Variants in ZMYND11 observed in about 807,000 individuals in gnomAD.
The protein encoded by ZMYND11 is zinc finger MYND domain-containing protein 11.
A neutral mutation model predicts 84.9 loss-of-function variants in ZMYND11; 9 were observed. The observed-to-expected ratio is 0.11, with a 90% CI of 0.06 to 0.18. ZMYND11 has a LOEUF of 0.18. ZMYND11 is among the 10% of genes least tolerant of loss of function. The pLI is 1.00. For missense variants in ZMYND11, 409 were observed against 761.0 expected (o/e 0.54, Z 5.44); for synonymous variants, 250 against 244.1 (o/e 1.02, Z -0.23).
chr10:242,430 A>G (rs1951181807), intron 10 of ZMYND11, among the ~76,000 whole-genome samples: 1 of 152,200 alleles, frequency 6.6e-6, no homozygotes, highest in Admixed American at 6.5e-5. Flanking sequence ...TGTCCATTCC[A>G]TAATATGGTA....
intron 4 of ZMYND11, among the ~76,000 whole-genome samples, chr10:235,045 G>GT (rs1388860141): frequency 6.6e-6 from 1 of 150,970 alleles, no homozygotes; most frequent in Non-Finnish European, 1.5e-5. Context: ...AAGGAGAGTG[G>GT]TTTTAAGTGT....
intron 2 of ZMYND11, among the ~76,000 whole-genome samples, chr10:196,389 C>G (rs1389842824): frequency 2.0e-5 from 3 of 152,102 alleles, no homozygotes; most frequent in African/African-American, 7.2e-5. Context: ...AATTCTTTTT[C>G]TCCAACAAAC....
chr10:199,603 A>T (rs954679554), intron 2 of ZMYND11, among the ~76,000 whole-genome samples: 4 of 151,732 alleles, frequency 2.6e-5, no homozygotes, highest in Admixed American at 1.3e-4. Context: ...CTAATTTTTT[A>T]AAATTTTTTT....
chr10:151,665 C>T (rs574007886), intron 1 of ZMYND11, among the ~76,000 whole-genome samples: 5 of 152,272 alleles, frequency 3.3e-5, no homozygotes, highest in South Asian at 2.1e-4. Context: ...AGGAGAGCTT[C>T]CCCAACCTAG....
intron 12 of ZMYND11, among the ~76,000 whole-genome samples, chr10:247,714 C>T (rs937131114): frequency 2.0e-5 from 3 of 152,180 alleles, no homozygotes; most frequent in Non-Finnish European, 4.4e-5. Flanking sequence ...CTGACCAAAG[C>T]TTGGCTAAGT....
intron 1 of ZMYND11, among the ~76,000 whole-genome samples, chr10:170,220 C>G (rs540872358): frequency 6.6e-6 from 1 of 151,758 alleles, no homozygotes; most frequent in Non-Finnish European, 1.5e-5. Flanking sequence ...CTTTCTCAGA[C>G]AAAATTAAGG....
intron 3 of ZMYND11, among the ~76,000 whole-genome samples, chr10:214,254 T>C (rs1443313519): frequency 6.6e-6 from 1 of 152,158 alleles, no homozygotes; most frequent in South Asian, 2.1e-4. Context: ...TTATTTAAAG[T>C]AAGGCCACTC....
chr10:228,718 G>A (rs1013066235), intron 4 of ZMYND11, among the ~76,000 whole-genome samples: 1 of 152,324 alleles, frequency 6.6e-6, no homozygotes, highest in Admixed American at 6.5e-5. Context: ...GTTCAGTCTT[G>A]TTCTTCCTTT....
At chr10:184,616 T>C (rs1400124830) in intron 2 of ZMYND11, among the ~76,000 whole-genome samples, 1 of 152,204 alleles carries the variant, frequency 6.6e-6, no homozygotes, top group Non-Finnish European at 1.5e-5. Context: ...TCTTTTCTCA[T>C]GTGTTGAGAC....
intron 14 of ZMYND11, chr10:249,352 A>G (rs957081713): frequency 8.3e-7 from 1 of 1,207,096 alleles, no homozygotes; most frequent in Non-Finnish European, 1.0e-6. Flanking sequence ...CAATTAACTT[A>G]TATAATTTCT....
At chr10:210,296 C>G (rs748054666) in intron 3 of ZMYND11, among the ~76,000 whole-genome samples, 13 of 152,202 alleles carry the variant, frequency 8.5e-5, no homozygotes, top group African/African-American at 2.7e-4. Flanking sequence ...CAAACCAAAG[C>G]TCTTTTGATG....
chr10:243,153 T>C (rs945354672), intron 10 of ZMYND11, among the ~76,000 whole-genome samples: 4 of 152,214 alleles, frequency 2.6e-5, no homozygotes, highest in African/African-American at 9.6e-5. Flanking sequence ...CTAATCTTGA[T>C]ACATTAGTCA....
chr10:174,558 G>A (rs541173604), intron 1 of ZMYND11, among the ~76,000 whole-genome samples: 41 of 152,004 alleles, frequency 2.7e-4, no homozygotes, highest in African/African-American at 8.4e-4. Context: ...AAACCCATGG[G>A]CATTACAGTG....
At chr10:228,463 G>A (rs1286277312) in intron 4 of ZMYND11, among the ~76,000 whole-genome samples, 1 of 152,200 alleles carries the variant, frequency 6.6e-6, no homozygotes, top group Non-Finnish European at 1.5e-5. Flanking sequence ...CTCACTCAGT[G>A]TTTCCAAAGT....
intron 1 of ZMYND11, among the ~76,000 whole-genome samples, chr10:177,227 G>C (rs1310611898): frequency 6.6e-6 from 1 of 152,186 alleles, no homozygotes; most frequent in Non-Finnish European, 1.5e-5. Flanking sequence ...GCACTTTAAA[G>C]AGATCTTGCC....
chr10:149,286 T>TTAC (rs1554756303), intron 1 of ZMYND11, among the ~76,000 whole-genome samples: 1 of 1,116 alleles, frequency 9.0e-4, no homozygotes, highest in African/African-American at 1.3e-3. Flanking sequence ...GAGGTGGTTG[T>TTAC]TATTATTATT....
chr10:232,878 C>T (rs975354610), intron 4 of ZMYND11, among the ~76,000 whole-genome samples: 3 of 152,110 alleles, frequency 2.0e-5, no homozygotes, highest in Non-Finnish European at 4.4e-5. Flanking sequence ...CCTCTTTGTG[C>T]AGTAAAGTCG....
chr10:199,566 A>T (rs529199648), intron 2 of ZMYND11, among the ~76,000 whole-genome samples: 9 of 151,816 alleles, frequency 5.9e-5, no homozygotes, highest in African/African-American at 2.2e-4. Flanking sequence ...CTTGACTGGG[A>T]CTACAGGTGC....
intron 14 of ZMYND11, chr10:249,428 T>C (rs1207325493): frequency 2.0e-5 from 20 of 985,320 alleles, no homozygotes; most frequent in Non-Finnish European, 2.3e-5. Context: ...TGATTTCAGA[T>C]GGGTAACATC....
Sources: gnomAD v4.1 joint callset for allele counts (sites outside exome capture counted in the v4.1 genomes callset) on GRCh38, gnomAD v4.1.1 for gene constraint, MANE v1.5 for transcripts, NCBI Gene and HGNC (gene_info 2026-07-23, HGNC 2026-07-21) for gene names.